Variants in ARHGAP24 observed in about 807,000 individuals in gnomAD.
ARHGAP24 encodes Rho GTPase activating protein 24.
ARHGAP24 carries 50 observed loss-of-function variants against 76.4 expected under a neutral mutation model. The ratio of observed to expected loss-of-function variants is 0.65; its 90% CI spans 0.52 to 0.83. The LOEUF (loss-of-function observed/expected upper bound fraction) is 0.83. ARHGAP24 is among the 40% of genes least tolerant of loss of function. The probability of loss-of-function intolerance (pLI) is 0.00; values close to 1 mark genes in which losing one functional copy is unlikely to be tolerated. For missense variants in ARHGAP24, 930 were observed against 914.2 expected (o/e 1.02, Z -0.22); for synonymous variants, 345 against 323.3 (o/e 1.07, Z -0.72).
At chr4:85,820,648 A>G (rs1008280017) in intron 3 of ARHGAP24, among the ~76,000 whole-genome samples, 1 of 152,232 alleles carries the variant, frequency 6.6e-6, no homozygotes, top group African/African-American at 2.4e-5. Flanking sequence ...TAAAAAATAC[A>G]TATTTGCTCA....
chr4:85,905,113 C>T (rs1368145290), intron 3 of ARHGAP24, among the ~76,000 whole-genome samples: 1 of 151,930 alleles, frequency 6.6e-6, no homozygotes, highest in Non-Finnish European at 1.5e-5. Flanking sequence ...TTACAAAAAA[C>T]ATTAGAGCAG....
At chr4:85,997,447 T>C (rs1476860988) in intron 9 of ARHGAP24, among the ~76,000 whole-genome samples, 4 of 152,048 alleles carry the variant, frequency 2.6e-5, no homozygotes, top group East Asian at 3.9e-4. Context: ...CAATAAGATA[T>C]ATGTTTAAAT....
chr4:85,647,784 C>G (rs1344214296), intron 2 of ARHGAP24, among the ~76,000 whole-genome samples: 1 of 152,058 alleles, frequency 6.6e-6, no homozygotes, highest in Non-Finnish European at 1.5e-5. Context: ...CATTATAAGA[C>G]CAGTCTTTTA....
chr4:85,824,167 C>CTACA (rs1261777889), intron 3 of ARHGAP24, among the ~76,000 whole-genome samples: 1 of 152,148 alleles, frequency 6.6e-6, no homozygotes, highest in Non-Finnish European at 1.5e-5. Flanking sequence ...CTTTAAACAT[C>CTACA]TACATAAGAT....
chr4:85,585,712 GC>G (rs1424726011), intron 2 of ARHGAP24, among the ~76,000 whole-genome samples: 2 of 152,204 alleles, frequency 1.3e-5, no homozygotes, highest in African/African-American at 2.4e-5. Flanking sequence ...AGGAAAGTCT[GC>G]TTTTGTAAGT....
chr4:85,520,791 G>A (rs1207872264), intron 1 of ARHGAP24, among the ~76,000 whole-genome samples: 1 of 152,120 alleles, frequency 6.6e-6, no homozygotes, highest in Non-Finnish European at 1.5e-5. Flanking sequence ...GGACTTTGAT[G>A]GATGAATATG....
At chr4:85,641,346 C>T (rs751340732) in intron 2 of ARHGAP24, among the ~76,000 whole-genome samples, 8 of 152,132 alleles carry the variant, frequency 5.3e-5, no homozygotes, top group Non-Finnish European at 7.3e-5. Flanking sequence ...TATTAGTTTG[C>T]TAAGGCTGCC....
chr4:85,598,090 C>T (rs938391820), intron 2 of ARHGAP24, among the ~76,000 whole-genome samples: 6 of 151,976 alleles, frequency 3.9e-5, no homozygotes, highest in Non-Finnish European at 5.9e-5. Context: ...AGAAGTCTTA[C>T]TATTCATTAT....
At chr4:85,503,967 G>A (rs1269795611) in intron 1 of ARHGAP24, among the ~76,000 whole-genome samples, 1 of 152,132 alleles carries the variant, frequency 6.6e-6, no homozygotes, top group Non-Finnish European at 1.5e-5. Flanking sequence ...CCTTCATTTA[G>A]TTATTTACCC....
intron 2 of ARHGAP24, among the ~76,000 whole-genome samples, chr4:85,653,607 G>A (rs1722028479): frequency 6.6e-6 from 1 of 152,036 alleles, no homozygotes; most frequent in Non-Finnish European, 1.5e-5. Context: ...CTGAGTAGCT[G>A]GGATTACAGG....
chr4:85,943,535 G>A lies in ARHGAP24; in HGVS notation c.599+1262G>A, dbSNP rs577686076. On this transcript the variant is annotated intron_variant, in intron 5 of 9. Transcript: ENST00000395184. ...GCAGGTTTGTTACATAGGTATACAC[G>A]TGCCATGGTGGTTTGCTGCACCCAT... 2.0e-5 allele frequency among the ~76,000 whole-genome samples: 3 copies of A among 151,986 alleles called. 1 individual carries two copies. Among genetic ancestry groups the A allele is most frequent in the South Asian group, 4.2e-4 (2 of 4,806 alleles).
At chr4:85,583,628 A>G (rs542071270) in intron 2 of ARHGAP24, among the ~76,000 whole-genome samples, 1,570 of 152,078 alleles carry the variant, frequency 0.01, 31 homozygotes, top group African/African-American at 0.036. Flanking sequence ...TGCACAGCAA[A>G]AGAAACTACC....
chr4:85,481,748 A>T (rs1722824564), intron 1 of ARHGAP24, among the ~76,000 whole-genome samples: 2 of 152,220 alleles, frequency 1.3e-5, no homozygotes, highest in South Asian at 4.1e-4. Context: ...AGAGGAGGCA[A>T]GTGGTCCCCA....
At chr4:85,495,050 G>A (rs1259657947) in intron 1 of ARHGAP24, among the ~76,000 whole-genome samples, 23 of 143,720 alleles carry the variant, frequency 1.6e-4, no homozygotes, top group Non-Finnish European at 2.5e-4. Flanking sequence ...AGCCGAGATC[G>A]CGCCACTGCA....
At position 85,823,068 on chromosome 4, in the gene ARHGAP24, G is replaced by A. The variant is rs147257274; in HGVS notation, c.269-100580G>A. 9.5e-3 allele frequency among the ~76,000 whole-genome samples: 1,447 copies of A among 152,238 alleles called. 27 individuals carry two copies. The highest frequency in any genetic ancestry group is 0.033 in the African/African-American group (1,355 of 41,560). ...ACTTCAAAAATGATCTCTTTATTAT[G>A]AACTAGAGTTACTATTTTCTGCTCT... On this transcript the variant is annotated intron_variant, in intron 3 of 9. Coordinates refer to ENST00000395184, the MANE Select transcript of ARHGAP24 (RefSeq NM_001025616.3).
At chr4:85,624,254 T>C (rs562636149) in intron 2 of ARHGAP24, among the ~76,000 whole-genome samples, 4 of 152,246 alleles carry the variant, frequency 2.6e-5, no homozygotes, top group East Asian at 1.9e-4. Context: ...TTTTGAGATA[T>C]GTCCCATCAA....
At chr4:85,542,152 T>G (rs1002246366) in intron 1 of ARHGAP24, among the ~76,000 whole-genome samples, 1 of 152,190 alleles carries the variant, frequency 6.6e-6, no homozygotes, top group East Asian at 1.9e-4. Context: ...TGGGGTGCAG[T>G]CCACTCTCCT....
intron 3 of ARHGAP24, among the ~76,000 whole-genome samples, chr4:85,832,045 C>T (rs768561560): frequency 5.3e-5 from 8 of 152,130 alleles, no homozygotes; most frequent in Non-Finnish European, 8.8e-5. Flanking sequence ...TAGTTTGTCA[C>T]TCTCAAGTTC....
chr4:85,808,954 A>C (rs377667208), intron 3 of ARHGAP24, among the ~76,000 whole-genome samples: 5 of 152,206 alleles, frequency 3.3e-5, no homozygotes, highest in East Asian at 3.8e-4. Context: ...TCTTCCTAGA[A>C]GTTATAAAAA....
Sources: allele counts gnomAD v4.1 joint callset (sites outside exome capture counted in the v4.1 genomes callset), GRCh38; gene constraint gnomAD v4.1.1; transcripts MANE v1.5; gene names NCBI Gene and HGNC (gene_info 2026-07-23, HGNC 2026-07-21).